The following FOXK1 variants were observed in gnomAD, a reference collection of about 807,000 sequenced individuals.
FOXK1 encodes the protein forkhead box protein K1.
In FOXK1, 19 loss-of-function variants were observed where a neutral mutation model predicts 51.9. That is an observed-to-expected ratio of 0.37 (90% confidence interval 0.26 to 0.54). FOXK1 has a LOEUF of 0.54. Among genes scored for constraint, FOXK1 ranks in the 20% least tolerant of loss-of-function variants. FOXK1 has a pLI of 0.87. For missense variants in FOXK1, 870 were observed against 1,032.7 expected (o/e 0.84, Z 2.16); for synonymous variants, 537 against 482.6 (o/e 1.11, Z -1.48).
chr7:4,696,231 G>A (rs755327037), intron 1 of FOXK1, among the ~76,000 whole-genome samples: 3 of 152,010 alleles, frequency 2.0e-5, no homozygotes, highest in Non-Finnish European at 2.9e-5. Flanking sequence ...AAGGAAAGAC[G>A]CAAATCATCT....
At chr7:4,736,680 C>T (rs1041479961) in intron 1 of FOXK1, among the ~76,000 whole-genome samples, 1 of 152,186 alleles carries the variant, frequency 6.6e-6, no homozygotes, top group Non-Finnish European at 1.5e-5. Context: ...ACTCAGAGTG[C>T]TCGGATTACA....
At chr7:4,738,294 A>T (rs1015142737) in intron 1 of FOXK1, among the ~76,000 whole-genome samples, 4 of 134,712 alleles carry the variant, frequency 3.0e-5, no homozygotes, top group Non-Finnish European at 6.5e-5. Flanking sequence ...AAAATTAGCC[A>T]GGCGTGGTGG....
In FOXK1 at chr7:4,769,846, C is replaced by T. The variant is rs889316349; in HGVS notation, c.*7382C>T. 1.3e-5 allele frequency: 2 copies of T among 152,142 alleles called. No individual in the cohort carries two copies. The highest frequency in any genetic ancestry group is 1.9e-4 in the East Asian group (1 of 5,194). The allele number at this position is 152,142 out of a possible 1,614,324, so 9.4% of individuals were successfully genotyped here. ...ACTCCTAGTTGGTTATTCTTTATCT[C>T]GGATTCTTTTTTCTGGAATTGTTTG... On this transcript the variant is annotated 3_prime_UTR_variant, in exon 9 of 9. Coordinates refer to ENST00000328914, the MANE Select transcript of FOXK1 (RefSeq NM_001037165.2). This position sits in a 1 kb window ranked among gnomAD's most constrained non-coding sequence, Gnocchi z 4.1.
At chr7:4,691,236 A>G (rs1306596256) in intron 1 of FOXK1, among the ~76,000 whole-genome samples, 4 of 152,220 alleles carry the variant, frequency 2.6e-5, no homozygotes, top group Non-Finnish European at 5.9e-5. Flanking sequence ...GAGTTTGGGC[A>G]TGTTTTGCTT....
chr7:4,715,022 G>A lies in FOXK1; in HGVS notation c.561-25816G>A, dbSNP rs373920543. On this transcript the variant is annotated intron_variant, in intron 1 of 8. Coordinates refer to ENST00000328914, the MANE Select transcript of FOXK1 (RefSeq NM_001037165.2). The surrounding 1 kb of genome is among the most constrained non-coding windows in gnomAD (Gnocchi z 4.5). ...TACAGAACAGAAGCCACACACCAGC[G>A]ACAATCAGAGGTTACATAGGCTTGG... Among the ~76,000 whole-genome samples the A allele has an allele frequency of 6.6e-6, 1 of 152,158 alleles. No homozygotes were observed. The highest frequency in any genetic ancestry group is 1.5e-5 in the Non-Finnish European group (1 of 68,034).
Position 4,756,907 on chromosome 7 carries a change from T to C in FOXK1, c.1051-87T>C, listed in dbSNP as rs1780860406. 5 of 1,448,926 alleles carry C rather than the reference T, an allele frequency of 3.5e-6. No homozygotes were observed. The African/African-American group carries it at 5.6e-5, about 16-fold the overall frequency. 89.8% of individuals were successfully genotyped at this position (1,448,926 alleles called of 1,614,324 possible). A position where few individuals can be genotyped will look rare whatever the true frequency, so the allele number is the denominator to read the frequency against. On this transcript the variant is annotated intron_variant, in intron 4 of 8. Coordinates refer to ENST00000328914, the MANE Select transcript of FOXK1 (RefSeq NM_001037165.2). The surrounding 1 kb of genome is among the most constrained non-coding windows in gnomAD (Gnocchi z 4.1). Reference sequence around the variant, plus strand: ...ACAGAGGGACGGCCTCCCCTCACCCTGGTCCCGCATCTGCTGCAGATTTGA... The same window carrying C: ...ACAGAGGGACGGCCTCCCCTCACCCCGGTCCCGCATCTGCTGCAGATTTGA...
At position 4,770,069 on chromosome 7, in the gene FOXK1, G is replaced by A. The variant is rs561443317; in HGVS notation, c.*7605G>A. ...AGAACTGGCCCCTAAGTCTCCAAAT[G>A]TGTTGGCTAAGCTGAAATGAGAGAC... On this transcript the variant is annotated 3_prime_UTR_variant, in exon 9 of 9. Coordinates refer to ENST00000328914, the MANE Select transcript of FOXK1 (RefSeq NM_001037165.2). 2.6e-5 allele frequency: 4 copies of A among 152,186 alleles called. No homozygotes were observed. The highest frequency in any genetic ancestry group is 2.1e-4 in the South Asian group (1 of 4,826). 9.4% of individuals were successfully genotyped at this position (152,186 alleles called of 1,614,324 possible).
At position 4,729,850 on chromosome 7, in the gene FOXK1, C is replaced by A. The variant is rs1032795497; in HGVS notation, c.561-10988C>A. On this transcript the variant is annotated intron_variant, in intron 1 of 8. Transcript: ENST00000328914. This position sits in a 1 kb window ranked among gnomAD's most constrained non-coding sequence, Gnocchi z 6.2. ...ACTAACAATACAAAAACTAGCCAGG[C>A]CTGGTAGTGGGTACCAGTAATCCTA... 5.3e-5 allele frequency among the ~76,000 whole-genome samples: 8 copies of A among 152,130 alleles called. No homozygotes were observed. Among genetic ancestry groups the A allele is most frequent in the African/African-American group, 1.9e-4 (8 of 41,436 alleles).
chr7:4,690,595 A>G (rs1779879089), intron 1 of FOXK1, among the ~76,000 whole-genome samples: 1 of 152,246 alleles, frequency 6.6e-6, no homozygotes, highest in African/African-American at 2.4e-5. Context: ...TCAGTCTATG[A>G]GGAGGGTGTT....
Position 4,735,423 on chromosome 7 carries a change from C to T in FOXK1, c.561-5415C>T, listed in dbSNP as rs1039311159. On this transcript the variant is annotated intron_variant, in intron 1 of 8. Coordinates refer to ENST00000328914, the MANE Select transcript of FOXK1 (RefSeq NM_001037165.2). The surrounding 1 kb of genome is among the most constrained non-coding windows in gnomAD (Gnocchi z 4.7). Reference sequence around the variant, plus strand: ...TCCAGTCCGTGGTTTTCAGCGCATTCGCAGAGTTGCGCGGCCACCAAGTCA... The same window carrying T: ...TCCAGTCCGTGGTTTTCAGCGCATTTGCAGAGTTGCGCGGCCACCAAGTCA... Among the ~76,000 whole-genome samples, 2 of 152,206 alleles carry T rather than the reference C, an allele frequency of 1.3e-5. No individual in the cohort carries two copies. Among genetic ancestry groups the T allele is most frequent in the South Asian group, 2.1e-4 (1 of 4,830 alleles).
chr7:4,722,406 G>A lies in FOXK1; in HGVS notation c.561-18432G>A, dbSNP rs1780326314. Among the ~76,000 whole-genome samples the A allele has an allele frequency of 6.6e-6, 1 of 152,234 alleles. No homozygotes were observed. Among genetic ancestry groups the A allele is most frequent in the Non-Finnish European group, 1.5e-5 (1 of 68,040 alleles). On this transcript the variant is annotated intron_variant, in intron 1 of 8. Transcript: ENST00000328914. This position sits in a 1 kb window ranked among gnomAD's most constrained non-coding sequence, Gnocchi z 5.1. Reference sequence around the variant, plus strand: ...CTTAAAACCCATTCTCCTGTGAAGAGGCCTTCCCTGAGATCCTGGCCAGAG... The same window carrying A: ...CTTAAAACCCATTCTCCTGTGAAGAAGCCTTCCCTGAGATCCTGGCCAGAG...
Position 4,683,079 on chromosome 7 carries a change from G to T in FOXK1, c.560+211G>T, listed in dbSNP as rs1348780922. Among the ~76,000 whole-genome samples the T allele has an allele frequency of 1.4e-5, 2 of 138,060 alleles. No homozygotes were observed. The highest frequency in any genetic ancestry group is 7.6e-5 in the Admixed American group (1 of 13,140). 90.6% of individuals were successfully genotyped at this position (138,060 alleles called of 152,430 possible). ...CTAGGATCACCCCGACCCCGATCCT[G>T]GAGGCTCCAGCCTGAGGATCTCCTC... On this transcript the variant is annotated intron_variant, in intron 1 of 8. Transcript: ENST00000328914. The surrounding 1 kb of genome is among the most constrained non-coding windows in gnomAD (Gnocchi z 4.5).
chr7:4,740,806 G>A lies in FOXK1; in HGVS notation c.561-32G>A, dbSNP rs753257399. ...TTGGCGTCTTCTTGAGTCTCCTCCT[G>A]CACCTCACACCCGCTCCTCCTCCTG... On this transcript the variant is annotated intron_variant, in intron 1 of 8. Coordinates refer to ENST00000328914, the MANE Select transcript of FOXK1 (RefSeq NM_001037165.2). 3.8e-5 allele frequency: 60 copies of A among 1,582,262 alleles called. No individual in the cohort carries two copies. In the Admixed American group the frequency reaches 1.1e-3, roughly 29 times the overall value.
chr7:4,730,606 C>G lies in FOXK1; in HGVS notation c.561-10232C>G, dbSNP rs964867316. Among the ~76,000 whole-genome samples the G allele has an allele frequency of 6.6e-6, 1 of 152,122 alleles. No individual in the cohort carries two copies. The highest frequency in any genetic ancestry group is 2.4e-5 in the African/African-American group (1 of 41,424). On this transcript the variant is annotated intron_variant, in intron 1 of 8. Transcript: ENST00000328914. This position sits in a 1 kb window ranked among gnomAD's most constrained non-coding sequence, Gnocchi z 4.7. The stretch of plus-strand genomic sequence containing the variant: ...GCCTTCAAGTTTGTGCCTTATTTTC[C>G]AAAGCCGCCACACTTGAGACGTCCT...
At chr7:4,759,637 G>T in intron 7 of FOXK1, 42 bp downstream of exon 7, 1 of 1,506,364 alleles carries the variant, frequency 6.6e-7, no homozygotes, top group Non-Finnish European at 8.8e-7. Context: ...GACCCTTTGT[G>T]GTGGTCCCGG....
At chr7:4,740,672 C>T (rs1291315212) in intron 1 of FOXK1, among the ~76,000 whole-genome samples, 166 bp from the exon 2 acceptor site, 1 of 152,090 alleles carries the variant, frequency 6.6e-6, no homozygotes, top group African/African-American at 2.4e-5. Context: ...AAGCCAAAGT[C>T]TCAGTTCCTA....
chr7:4,752,141 G>GTTTA (rs1205286907), intron 2 of FOXK1, among the ~76,000 whole-genome samples: 1 of 152,120 alleles, frequency 6.6e-6, no homozygotes, highest in Admixed American at 6.6e-5. Context: ...TTAAAACTTT[G>GTTTA]TTTATTTATG....
intron 1 of FOXK1, among the ~76,000 whole-genome samples, chr7:4,713,599 C>G (rs1303086828): frequency 2.0e-5 from 3 of 148,658 alleles, no homozygotes; most frequent in Non-Finnish European, 3.0e-5. Context: ...GCAAGTGATT[C>G]TCCTGCCTTA....
rs1168628549 is a variant in FOXK1 at position 4,734,026 on chromosome 7, A to G, written c.561-6812A>G. On this transcript the variant is annotated intron_variant, in intron 1 of 8. Transcript: ENST00000328914. This position sits in a 1 kb window ranked among gnomAD's most constrained non-coding sequence, Gnocchi z 5.2. ...CCGTGGGTGAAGCTTCACCTGGCGC[A>G]GGGAAGGCCATCAGACTTCCAGCTC... Among the ~76,000 whole-genome samples, 3 of 150,680 alleles carry G rather than the reference A, an allele frequency of 2.0e-5. No individual in the cohort carries two copies. The highest frequency in any genetic ancestry group is 2.1e-4 in the South Asian group (1 of 4,836).
Sources: gnomAD v4.1 joint callset for allele counts (sites outside exome capture counted in the v4.1 genomes callset) on GRCh38, gnomAD v4.1.1 for gene constraint, Gnocchi (gnomAD v3.1) non-coding constraint, MANE v1.5 for transcripts, NCBI Gene and HGNC (gene_info 2026-07-23, HGNC 2026-07-21) for gene names.